The following FRMD3 variants were observed in gnomAD, a reference collection of about 807,000 sequenced individuals.
The protein encoded by FRMD3 is FERM domain-containing protein 3.
FRMD3 carries 33 observed loss-of-function variants against 70.2 expected under a neutral mutation model. The observed-to-expected ratio is 0.47, with a 90% confidence interval of 0.36 to 0.63. FRMD3 has a LOEUF of 0.63. FRMD3 is among the 20% of genes least tolerant of loss of function. FRMD3 has a pLI of 0.00. For missense variants in FRMD3, 632 were observed against 711.4 expected, an observed-to-expected ratio of 0.89 and a Z score of 1.27; for synonymous variants, 279 against 255.9, an observed-to-expected ratio of 1.09 and a Z score of -0.86.
In FRMD3 at chr9:83,263,851, A is replaced by G. The variant is rs78428402; in HGVS notation, c.1196-15335T>C. On this transcript the variant is annotated intron_variant, in intron 13 of 13. Coordinates refer to ENST00000304195, the MANE Select transcript of FRMD3 (RefSeq NM_174938.6). ...TTAAAACATCCATATATATCCAGGA[A>G]TATCCATAACAAGAAGCCTGGAAAA... is the stretch of plus-strand genomic sequence containing the variant. Among the ~76,000 whole-genome samples the G allele has an allele frequency of 3.6e-3, 554 of 152,350 alleles. 1 individual carries two copies. Among genetic ancestry groups the G allele is most frequent in the Non-Finnish European group, 5.8e-3 (397 of 68,030 alleles).
intron 1 of FRMD3, among the ~76,000 whole-genome samples, chr9:83,478,314 A>G (rs1828446176): frequency 1.3e-5 from 2 of 152,124 alleles, no homozygotes; most frequent in Admixed American, 1.3e-4. Flanking sequence ...CCTTCCCCTT[A>G]GTTGTTATGC....
At chr9:83,524,692 C>T (rs1829649206) in intron 1 of FRMD3, among the ~76,000 whole-genome samples, 1 of 152,158 alleles carries the variant, frequency 6.6e-6, no homozygotes, top group Admixed American at 6.5e-5. Context: ...AAATATGAGA[C>T]ATTGGACCAA....
At chr9:83,262,450 A>G (rs1467879474) in intron 13 of FRMD3, among the ~76,000 whole-genome samples, 1 of 152,180 alleles carries the variant, frequency 6.6e-6, no homozygotes, top group Non-Finnish European at 1.5e-5. Context: ...TCTTAACTGG[A>G]TGATAGCAAT....
intron 1 of FRMD3, among the ~76,000 whole-genome samples, chr9:83,472,839 G>A (rs1180730384): frequency 6.6e-6 from 1 of 152,002 alleles, no homozygotes; most frequent in Non-Finnish European, 1.5e-5. Context: ...GTTTTATGCT[G>A]GACTACCTCA....
At chr9:83,419,968 C>T (rs748333878) in intron 1 of FRMD3, among the ~76,000 whole-genome samples, 3 of 152,162 alleles carry the variant, frequency 2.0e-5, no homozygotes, top group Non-Finnish European at 2.9e-5. Context: ...AGGTAGACCA[C>T]GGACTAGAAA....
chr9:83,278,992 C>G (rs968433700), intron 13 of FRMD3, among the ~76,000 whole-genome samples: 1 of 152,216 alleles, frequency 6.6e-6, no homozygotes, highest in Non-Finnish European at 1.5e-5. Context: ...ATTTGTTCAG[C>G]TAGGCCAAGG....
intron 6 of FRMD3, among the ~76,000 whole-genome samples, chr9:83,329,197 A>G (rs893514700): frequency 2.6e-5 from 4 of 152,206 alleles, no homozygotes; most frequent in Admixed American, 2.6e-4. Context: ...TTGATCCCAA[A>G]TCATCCCATC....
At chr9:83,291,184 T>C (rs1834405776) in intron 12 of FRMD3, among the ~76,000 whole-genome samples, 1 of 152,224 alleles carries the variant, frequency 6.6e-6, no homozygotes, top group Non-Finnish European at 1.5e-5. Context: ...CTATAAGCTA[T>C]CTTTGTGTTG....
At chr9:83,367,558 C>G (rs944964188) in intron 3 of FRMD3, among the ~76,000 whole-genome samples, 2 of 152,192 alleles carry the variant, frequency 1.3e-5, no homozygotes, top group Non-Finnish European at 1.5e-5. Context: ...CCAGTATCCT[C>G]TGGACAGAAC....
the FRMD3 span, among the ~76,000 whole-genome samples, chr9:83,556,104 C>CCA: frequency 6.6e-6 from 1 of 151,980 alleles, no homozygotes; most frequent in Non-Finnish European, 1.5e-5. Context: ...TCCATGACAG[C>CCA]CACACACACA....
In FRMD3 at chr9:83,436,458, A is replaced by G. The variant is rs190126433; in HGVS notation, c.148-46750T>C. Reference sequence around the variant, plus strand: ...CCTTTGCCAAATTTTAATTAATAAGATGTGTGTGTGTGTGTGTGTGTGTGT... The same window carrying G: ...CCTTTGCCAAATTTTAATTAATAAGGTGTGTGTGTGTGTGTGTGTGTGTGT... On this transcript the variant is annotated intron_variant, in intron 1 of 13. Coordinates refer to ENST00000304195, the MANE Select transcript of FRMD3 (RefSeq NM_174938.6). 0.014 allele frequency among the ~76,000 whole-genome samples: 2,035 copies of G among 144,684 alleles called. 124 individuals are homozygous for G. The South Asian group carries it at 0.17, about 12-fold the overall frequency. 94.9% of individuals were successfully genotyped at this position (144,684 alleles called of 152,430 possible). A position where few individuals can be genotyped will look rare whatever the true frequency, so the allele number is the denominator to read the frequency against.
intron 1 of FRMD3, among the ~76,000 whole-genome samples, chr9:83,492,434 C>T (rs1828848409): frequency 6.6e-6 from 1 of 152,194 alleles, no homozygotes; most frequent in South Asian, 2.1e-4. Flanking sequence ...AAACTGGCCC[C>T]AAATGTACTG....
chr9:83,384,054 C>G (rs1038532076), intron 2 of FRMD3, among the ~76,000 whole-genome samples: 1 of 152,210 alleles, frequency 6.6e-6, no homozygotes, highest in Non-Finnish European at 1.5e-5. Flanking sequence ...CAAGTTATCA[C>G]GATAGTACTG....
chr9:83,379,589 G>T lies in FRMD3; in HGVS notation c.253-6634C>A, dbSNP rs553499746. On this transcript the variant is annotated intron_variant, in intron 2 of 13. Coordinates refer to ENST00000304195, the MANE Select transcript of FRMD3 (RefSeq NM_174938.6). ...CATTGATTCTACAAAATGAACTAGGGGAGTAAGATGAACCAGTGGATTCAC... is the reference window on the plus strand; with the variant it reads ...CATTGATTCTACAAAATGAACTAGGTGAGTAAGATGAACCAGTGGATTCAC... Among the ~76,000 whole-genome samples the T allele has an allele frequency of 2.6e-5, 4 of 152,200 alleles. No individual in the cohort carries two copies. In the South Asian group the frequency reaches 6.2e-4, roughly 24 times the overall value.
chr9:83,465,025 G>GAA (rs147660924), intron 1 of FRMD3, among the ~76,000 whole-genome samples: 29 of 119,550 alleles, frequency 2.4e-4, no homozygotes, highest in South Asian at 2.2e-3. Context: ...GTCTCAAAAA[G>GAA]AAAAAAAAAA....
Position 83,245,348 on chromosome 9 carries a change from A to G in FRMD3, c.*2570T>C. On this transcript the variant is annotated 3_prime_UTR_variant, in exon 14 of 14. Transcript: ENST00000304195. ...GGCAACTGGTGACTATCTTCTAACA[A>G]AACTTAAATGGATGTTTCTAAAAGG... 1.0e-6 allele frequency: 1 copy of G among 985,422 alleles called. No homozygotes were observed. The highest frequency in any genetic ancestry group is 1.2e-6 in the Non-Finnish European group (1 of 829,918). The allele number at this position is 985,422 out of a possible 1,614,324, so 61.0% of individuals were successfully genotyped here. A position where few individuals can be genotyped will look rare whatever the true frequency, so the allele number is the denominator to read the frequency against.
At chr9:83,434,818 GCT>G in intron 1 of FRMD3, among the ~76,000 whole-genome samples, 1 of 76,390 alleles carries the variant, frequency 1.3e-5, no homozygotes, top group South Asian at 4.0e-4. Context: ...CCACCCCTCT[GCT>G]TTTTTTTTTT....
chr9:83,264,137 C>T (rs1258540862), intron 13 of FRMD3, among the ~76,000 whole-genome samples: 2 of 152,090 alleles, frequency 1.3e-5, no homozygotes, highest in African/African-American at 2.4e-5. Context: ...GAATATTATT[C>T]AGTGCTAAGA....
intron 1 of FRMD3, among the ~76,000 whole-genome samples, chr9:83,512,690 C>T (rs1045708399): frequency 6.6e-6 from 1 of 152,142 alleles, no homozygotes; most frequent in Non-Finnish European, 1.5e-5. Context: ...TCTTGAAGGC[C>T]AGCACTCCCT....
Sources: gnomAD v4.1 joint callset for allele counts (sites outside exome capture counted in the v4.1 genomes callset) on GRCh38, gnomAD v4.1.1 for gene constraint, MANE v1.5 for transcripts, NCBI Gene and HGNC (gene_info 2026-07-23, HGNC 2026-07-21) for gene names.